The following MITF variants were observed in gnomAD, a reference collection of about 807,000 sequenced individuals.
MITF encodes melanocyte inducing transcription factor, also known as microphthalmia-associated transcription factor.
Under a neutral mutation model 60.5 loss-of-function variants are expected in MITF, and 17 were observed. The ratio of observed to expected loss-of-function variants is 0.28; its 90% CI spans 0.19 to 0.42. MITF has a LOEUF of 0.42. Ranked by LOEUF, MITF falls within the 10% of genes least tolerant of loss-of-function variation. MITF has a pLI of 1.00. For synonymous variants in MITF, 260 were observed against 248.5 expected (o/e 1.05, Z -0.43); for missense variants, 622 against 683.5 (o/e 0.91, Z 1.00).
chr3:69,957,528 T>C lies in MITF; in HGVS notation c.1031+998T>C, dbSNP rs368952453. Among the ~76,000 whole-genome samples the C allele has an allele frequency of 5.3e-4, 81 of 152,326 alleles. No homozygotes were observed. In the East Asian group the frequency reaches 6.6e-3, roughly 12 times the overall value. ...CTTTCCCAGGTTTCAAGGAAAGGCA[T>C]TTTCAAACCCGAAACATTTCAGATT... On this transcript the variant is annotated intron_variant, in intron 8 of 9. Coordinates refer to ENST00000352241, the MANE Select transcript of MITF (RefSeq NM_001354604.2).
At chr3:69,948,559 C>G (rs551707620) in intron 5 of MITF, among the ~76,000 whole-genome samples, 1 of 149,830 alleles carries the variant, frequency 6.7e-6, no homozygotes, top group Non-Finnish European at 1.5e-5. Context: ...AAAAAAAAAA[C>G]TTTCATTGCT....
chr3:69,860,793 G>C (rs891751646), intron 1 of MITF, among the ~76,000 whole-genome samples: 6 of 152,096 alleles, frequency 3.9e-5, no homozygotes, highest in Non-Finnish European at 7.4e-5. Context: ...GGTTTATGTG[G>C]GGTCATCTTA....
At chr3:69,757,661 C>G (rs1363301340) in intron 1 of MITF, among the ~76,000 whole-genome samples, 6 of 152,068 alleles carry the variant, frequency 3.9e-5, no homozygotes, top group Admixed American at 6.6e-5. Flanking sequence ...TGAAAAAAAA[C>G]AGTTTGGGAC....
intron 1 of MITF, among the ~76,000 whole-genome samples, chr3:69,746,942 T>C (rs1195843239): frequency 6.6e-6 from 1 of 152,230 alleles, no homozygotes; most frequent in East Asian, 1.9e-4. Flanking sequence ...ATTTCTACAA[T>C]GTGGCTTTCT....
chr3:69,919,320 T>C (rs2065409504), intron 2 of MITF, among the ~76,000 whole-genome samples: 1 of 152,228 alleles, frequency 6.6e-6, no homozygotes, highest in Admixed American at 6.5e-5. Context: ...AAGAACTTTG[T>C]AGGAACAATC....
At chr3:69,821,558 G>A (rs1356818119) in intron 1 of MITF, among the ~76,000 whole-genome samples, 2 of 151,656 alleles carry the variant, frequency 1.3e-5, no homozygotes, top group African/African-American at 4.8e-5. Flanking sequence ...TATTGTTCCA[G>A]GTCCTTGAAT....
intron 1 of MITF, among the ~76,000 whole-genome samples, chr3:69,846,816 CAAA>C (rs375853591): frequency 0.025 from 2,554 of 100,230 alleles, 59 homozygotes; most frequent in African/African-American, 0.097. Context: ...GACTCTTTCT[CAAA>C]AAAAAAAAAA....
chr3:69,826,773 G>T (rs2063361734), intron 1 of MITF, among the ~76,000 whole-genome samples: 1 of 152,128 alleles, frequency 6.6e-6, no homozygotes, highest in Non-Finnish European at 1.5e-5. Flanking sequence ...AATGGAAGCT[G>T]CCATTACTTT....
intron 1 of MITF, among the ~76,000 whole-genome samples, chr3:69,809,219 A>G (rs556967302): frequency 1.3e-5 from 2 of 152,160 alleles, no homozygotes; most frequent in South Asian, 4.1e-4. Flanking sequence ...TGCTCAGAAA[A>G]TAGGATAAGG....
At chr3:69,789,340 C>T (rs1346028143) in intron 1 of MITF, among the ~76,000 whole-genome samples, 1 of 152,146 alleles carries the variant, frequency 6.6e-6, no homozygotes, top group African/African-American at 2.4e-5. Context: ...CTTTAAGAGA[C>T]ATTTCTCCAG....
chr3:69,751,179 A>G (rs1263814198), intron 1 of MITF, among the ~76,000 whole-genome samples: 8 of 152,254 alleles, frequency 5.3e-5, no homozygotes, highest in Non-Finnish European at 1.2e-4. Context: ...GGGCATGTCC[A>G]CATGACCAAA....
intron 1 of MITF, among the ~76,000 whole-genome samples, chr3:69,869,713 C>A (rs556295278): frequency 1.3e-5 from 2 of 152,226 alleles, no homozygotes; most frequent in East Asian, 3.9e-4. Context: ...ATGAAACCAC[C>A]CCAAAACATC....
intron 1 of MITF, among the ~76,000 whole-genome samples, chr3:69,761,577 C>T (rs2062213102): frequency 6.6e-6 from 1 of 152,060 alleles, no homozygotes; most frequent in African/African-American, 2.4e-5. Flanking sequence ...GGAAAGGAGA[C>T]TAGGTTTCTT....
intron 1 of MITF, among the ~76,000 whole-genome samples, chr3:69,856,623 T>A (rs910555303): frequency 3.9e-5 from 6 of 152,204 alleles, no homozygotes; most frequent in African/African-American, 1.2e-4. Flanking sequence ...GCTCAAGATT[T>A]ACCATGTTTC....
rs368023739 is a variant in MITF at position 69,948,380 on chromosome 3, G to A, written c.763-671G>A. 2.4e-4 allele frequency among the ~76,000 whole-genome samples: 37 copies of A among 152,056 alleles called. 1 individual carries two copies. The South Asian group carries it at 7.7e-3, about 32-fold the overall frequency. On this transcript the variant is annotated intron_variant, in intron 5 of 9. Coordinates refer to ENST00000352241, the MANE Select transcript of MITF (RefSeq NM_001354604.2). ...GGAAAAACTCTGACGCTAGCTTGGGGAAGGCTAAATATTTCTTTTACTTTT... is the reference window on the plus strand; with the variant it reads ...GGAAAAACTCTGACGCTAGCTTGGGAAAGGCTAAATATTTCTTTTACTTTT...
chr3:69,873,947 A>T (rs771946695), intron 1 of MITF, among the ~76,000 whole-genome samples: 2 of 152,180 alleles, frequency 1.3e-5, no homozygotes, highest in Middle Eastern at 3.2e-3. Flanking sequence ...TGAAGTTCTC[A>T]GCGAATTTTG....
intron 1 of MITF, among the ~76,000 whole-genome samples, chr3:69,777,859 T>C (rs150403686): frequency 1.1e-4 from 16 of 152,124 alleles, no homozygotes; most frequent in African/African-American, 3.9e-4. Flanking sequence ...TTTTAAGCCA[T>C]GGTAAGAAGG....
At chr3:69,878,826 A>G (rs2064413680) in intron 1 of MITF, among the ~76,000 whole-genome samples, 1 of 152,012 alleles carries the variant, frequency 6.6e-6, no homozygotes, top group African/African-American at 2.4e-5. Context: ...GGCAGTGCAT[A>G]TGGTGGCGCT....
chr3:69,829,500 C>A (rs1413113031), intron 1 of MITF, among the ~76,000 whole-genome samples: 1 of 152,112 alleles, frequency 6.6e-6, no homozygotes, highest in Non-Finnish European at 1.5e-5. Flanking sequence ...AAAAGTAATT[C>A]TTTGGATTTA....
Sources: allele counts gnomAD v4.1 joint callset (sites outside exome capture counted in the v4.1 genomes callset), GRCh38; gene constraint gnomAD v4.1.1; transcripts MANE v1.5; gene names NCBI Gene and HGNC (gene_info 2026-07-23, HGNC 2026-07-21).